The following TECPR2 variants were observed in gnomAD, a reference collection of about 807,000 sequenced individuals.
TECPR2 encodes tectonin beta-propeller repeat containing 2.
A neutral mutation model predicts 138.1 loss-of-function variants in TECPR2; 65 were observed. The ratio of observed to expected loss-of-function variants is 0.47; its 90% CI spans 0.39 to 0.58. The LOEUF is 0.58. TECPR2 is among the 20% of genes least tolerant of loss of function. The pLI, the probability that TECPR2 is intolerant of heterozygous loss-of-function variation, is 0.00. For missense variants in TECPR2, 1,553 were observed against 1,824.5 expected (o/e 0.85, Z 2.71); for synonymous variants, 746 against 749.8 (o/e 0.99, Z 0.08).
At chr14:102,432,245 A>G in intron 8 of TECPR2, 117 bp downstream of exon 8, 1 of 1,079,062 alleles carries the variant, frequency 9.3e-7, no homozygotes, top group East Asian at 2.6e-5. Flanking sequence ...GAGAACACAT[A>G]CATTTCTTCC....
chr14:102,452,864 G>A (rs1211357268), intron 16 of TECPR2, among the ~76,000 whole-genome samples: 1 of 152,200 alleles, frequency 6.6e-6, no homozygotes, highest in Non-Finnish European at 1.5e-5. Flanking sequence ...ACCCGAGGAG[G>A]GTGTGCGTCC....
In TECPR2 at chr14:102,426,688, G is replaced by A. The variant is rs1010706653; in HGVS notation, c.951+1397G>A. 8.5e-5 allele frequency among the ~76,000 whole-genome samples: 13 copies of A among 152,198 alleles called. No homozygotes were observed. In the East Asian group the frequency reaches 1.4e-3, roughly 16 times the overall value. ...AGCCTGGCCAACATGGTGAAACTCC[G>A]TCTCTACTAAAAATACAAAAATTAG... On this transcript the variant is annotated intron_variant, in intron 6 of 19. Coordinates refer to ENST00000359520, the MANE Select transcript of TECPR2 (RefSeq NM_014844.5).
At chr14:102,383,922 C>CT (rs751851686) in intron 2 of TECPR2, among the ~76,000 whole-genome samples, 4,984 of 137,948 alleles carry the variant, frequency 0.036, 149 homozygotes, top group African/African-American at 0.071. Flanking sequence ...AGTAGTTGTT[C>CT]TTTTTTTTTT....
At chr14:102,421,602 T>G (rs1461622678) in intron 5 of TECPR2, among the ~76,000 whole-genome samples, 3 of 152,156 alleles carry the variant, frequency 2.0e-5, no homozygotes, top group Non-Finnish European at 2.9e-5. Context: ...ACAGCACAAG[T>G]TGGCCGAGGT....
At chr14:102,487,479 C>G (rs909577740) in intron 17 of TECPR2, among the ~76,000 whole-genome samples, 2 of 152,190 alleles carry the variant, frequency 1.3e-5, no homozygotes, top group African/African-American at 4.8e-5. Context: ...ATGATAAAAG[C>G]TCAGCTACAA....
intron 5 of TECPR2, among the ~76,000 whole-genome samples, chr14:102,417,865 G>A (rs1383600878): frequency 6.6e-6 from 1 of 151,138 alleles, no homozygotes; most frequent in Admixed American, 6.6e-5. Context: ...GAGTCCAGGG[G>A]AGCCGTGGGG....
chr14:102,363,470 C>T (rs1303883947), intron 1 of TECPR2, among the ~76,000 whole-genome samples: 1 of 152,074 alleles, frequency 6.6e-6, no homozygotes, highest in African/African-American at 2.4e-5. Flanking sequence ...TGCTCCTTCG[C>T]CTTAAGATTG....
chr14:102,499,501 C>G lies in TECPR2; in HGVS notation c.*1244C>G. On this transcript the variant is annotated 3_prime_UTR_variant, in exon 20 of 20. Transcript: ENST00000359520. ...GGCAGGCATCCCCGCACAGACTTGA[C>G]TGGCAGGGCGGTCACGGGACCTGCG... 1 of 475,784 alleles carries G rather than the reference C, an allele frequency of 2.1e-6. No individual in the cohort carries two copies. Among genetic ancestry groups the G allele is most frequent in the Non-Finnish European group, 3.8e-6 (1 of 262,908 alleles). The allele number at this position is 475,784 out of a possible 1,614,324, so 29.5% of individuals were successfully genotyped here.
intron 12 of TECPR2, among the ~76,000 whole-genome samples, chr14:102,444,195 CTT>C (rs111476747): frequency 1.5e-3 from 207 of 138,612 alleles, no homozygotes; most frequent in Middle Eastern, 3.7e-3. Context: ...TGAACTGTAG[CTT>C]TTTTTTTTTT....
chr14:102,473,469 C>T (rs768719707), intron 17 of TECPR2, among the ~76,000 whole-genome samples: 40 of 152,128 alleles, frequency 2.6e-4, no homozygotes, highest in Non-Finnish European at 4.9e-4. Context: ...ATTTGTTCTT[C>T]GACTTGAGCT....
chr14:102,407,291 C>G lies in TECPR2; in HGVS notation c.220-47C>G, dbSNP rs377012946. ...TAATGTCCTCCTTGTTTTACATTTT[C>G]AAAGCCTGCATAGTTACAGATTCAT... On this transcript the variant is annotated intron_variant, in intron 2 of 19. Transcript: ENST00000359520. 4.6e-6 allele frequency: 7 copies of G among 1,537,610 alleles called. No individual in the cohort carries two copies. In the African/African-American group the frequency reaches 9.8e-5, roughly 21 times the overall value.
At position 102,486,672 on chromosome 14, in the gene TECPR2, G is replaced by A. The variant is rs557193570; in HGVS notation, c.3790-10307G>A. Among the ~76,000 whole-genome samples, 529 of 152,252 alleles carry A rather than the reference G, an allele frequency of 3.5e-3. 5 individuals carry two copies. The highest frequency in any genetic ancestry group is 0.012 in the African/African-American group (513 of 41,550). ...GAGAGAGCTCAGCACAGCAGGCCCCGGGCAGCCATACCCACCTCGTACCAC... is the reference window on the plus strand; with the variant it reads ...GAGAGAGCTCAGCACAGCAGGCCCCAGGCAGCCATACCCACCTCGTACCAC... On this transcript the variant is annotated intron_variant, in intron 17 of 19. Transcript: ENST00000359520.
chr14:102,498,022 C>CGCCCAAGCTCCCGGCTCCATCTGT, intron 19 of TECPR2, 81 bp from the exon 20 acceptor site: 1 of 1,510,190 alleles, frequency 6.6e-7, no homozygotes, highest in Non-Finnish European at 8.9e-7. Context: ...CCCAGACCTG[C>CGCCCAAGCTCCCGGCTCCATCTGT]GCCCAAGCTC....
intron 6 of TECPR2, among the ~76,000 whole-genome samples, chr14:102,426,144 C>T (rs1364875291): frequency 6.6e-6 from 1 of 152,088 alleles, no homozygotes; most frequent in African/African-American, 2.4e-5. Flanking sequence ...CCTCGGCCTC[C>T]CAAAGTGCTG....
rs1224935349 is a variant in TECPR2, at chr14:102,498,232, T to C, written c.4211T>C (p.Leu1404Pro). ...SQAAMPHPED[L>P]EDEWEVI ...GCCGCCATGCCCCACCCTGAGGACCTGGAGGACGAGTGGGAGGTCATCTGA... is the reference window on the plus strand; with the variant it reads ...GCCGCCATGCCCCACCCTGAGGACCCGGAGGACGAGTGGGAGGTCATCTGA... Residue 1404 changes from leucine (L) to proline (P), a missense_variant, in exon 20 of 20, where the codon CTG (leucine) becomes CCG (proline). Leu to Pro is a moderately conservative substitution (Grantham distance 98). Transcript: ENST00000359520. The C allele has an allele frequency of 1.2e-6, 2 of 1,604,376 alleles. No homozygotes were observed. The highest frequency in any genetic ancestry group is 2.2e-5 in the South Asian group (2 of 91,014).
chr14:102,367,994 C>CTTTT (rs56325877), intron 1 of TECPR2, among the ~76,000 whole-genome samples: 3 of 65,836 alleles, frequency 4.6e-5, no homozygotes, highest in African/African-American at 1.4e-4. Context: ...GCTTATTGGC[C>CTTTT]TTTTTTTTTT....
In TECPR2 at chr14:102,420,267, ATTTG is replaced by A. The variant is rs1160398438; in HGVS notation, c.639-4708_639-4705del. ...CTACCGAAATTAAGAAATTATATTA[ATTTG>A]TTTATGATTTTAGAATCCTGCAATA... On this transcript the variant is annotated intron_variant, in intron 5 of 19. Transcript: ENST00000359520. This position sits in a 1 kb window ranked among gnomAD's most constrained non-coding sequence, Gnocchi z 4.1. Among the ~76,000 whole-genome samples, 1 of 152,190 alleles carries A rather than the reference ATTTG, an allele frequency of 6.6e-6. No individual in the cohort carries two copies. The highest frequency in any genetic ancestry group is 1.5e-5 in the Non-Finnish European group (1 of 68,028).
intron 2 of TECPR2, among the ~76,000 whole-genome samples, chr14:102,378,777 A>G (rs542154681): frequency 1.3e-5 from 2 of 152,216 alleles, no homozygotes; most frequent in South Asian, 2.1e-4. Flanking sequence ...GGCACCCGCT[A>G]TCACACCCAG....
intron 4 of TECPR2, among the ~76,000 whole-genome samples, chr14:102,409,211 T>C (rs1888749200): frequency 1.3e-5 from 2 of 152,194 alleles, no homozygotes; most frequent in South Asian, 4.1e-4. Context: ...TGTTTTGTCA[T>C]GTGTCTGCAA....
Sources: gnomAD v4.1 joint callset for allele counts (sites outside exome capture counted in the v4.1 genomes callset) on GRCh38, gnomAD v4.1.1 for gene constraint, Gnocchi (gnomAD v3.1) non-coding constraint, MANE v1.5 for transcripts, NCBI Gene and HGNC (gene_info 2026-07-23, HGNC 2026-07-21) for gene names.